The following PRKG1 variants were observed in gnomAD, a reference collection of about 807,000 sequenced individuals.
The protein encoded by PRKG1 is cGMP-dependent protein kinase 1.
In PRKG1, 35 loss-of-function variants were observed where a neutral mutation model predicts 88.1. That is an observed-to-expected ratio of 0.40 (90% CI 0.30 to 0.53). PRKG1 has a LOEUF of 0.53. Among genes scored for constraint, PRKG1 ranks in the 20% least tolerant of loss-of-function variants. The probability of loss-of-function intolerance (pLI) is 0.59; values close to 1 mark genes in which losing one functional copy is unlikely to be tolerated. For missense variants in PRKG1, 540 were observed against 839.8 expected, an observed-to-expected ratio of 0.64 and a Z score of 4.41; for synonymous variants, 303 against 292.5, an observed-to-expected ratio of 1.04 and a Z score of -0.37.
Position 51,338,312 on chromosome 10 carries a change from A to G in PRKG1, c.479-129411A>G, listed in dbSNP as rs143962875. On this transcript the variant is annotated intron_variant, in intron 2 of 17. Coordinates refer to ENST00000373980, the MANE Select transcript of PRKG1 (RefSeq NM_006258.4). ...ATGAAAATGAAATATGTTTGCCTTA[A>G]TACCTAGGTGATGGGTTGATAGGTG... is the stretch of plus-strand genomic sequence containing the variant. 1.3e-4 allele frequency among the ~76,000 whole-genome samples: 20 copies of G among 152,292 alleles called. No individual in the cohort carries two copies. The East Asian group carries it at 3.8e-3, about 29-fold the overall frequency.
At chr10:51,656,360 G>A (rs144469805) in intron 3 of PRKG1, among the ~76,000 whole-genome samples, 1 of 152,184 alleles carries the variant, frequency 6.6e-6, no homozygotes, top group East Asian at 1.9e-4. Flanking sequence ...GATCACACTT[G>A]GTCGTGCTCT....
At chr10:51,803,551 A>T (rs193034199) in intron 3 of PRKG1, among the ~76,000 whole-genome samples, 2 of 151,786 alleles carry the variant, frequency 1.3e-5, no homozygotes, top group Non-Finnish European at 2.9e-5. Context: ...CTCCTCCTTC[A>T]CTCCCAAATC....
At chr10:51,850,368 G>A (rs1589353115) in intron 4 of PRKG1, among the ~76,000 whole-genome samples, 1 of 152,080 alleles carries the variant, frequency 6.6e-6, no homozygotes, top group East Asian at 1.9e-4. Context: ...GTAGAGATGG[G>A]GTTTCACCAT....
At chr10:51,615,981 C>T (rs1036282968) in intron 3 of PRKG1, among the ~76,000 whole-genome samples, 5 of 152,100 alleles carry the variant, frequency 3.3e-5, no homozygotes, top group African/African-American at 1.2e-4. Flanking sequence ...TAGGGCAGGA[C>T]TTTTTCCTGA....
chr10:51,316,473 G>A (rs1014928362), intron 2 of PRKG1, among the ~76,000 whole-genome samples: 1 of 152,084 alleles, frequency 6.6e-6, no homozygotes, highest in Non-Finnish European at 1.5e-5. Flanking sequence ...CACTAGGTCA[G>A]GAGTTCAAGA....
At chr10:51,547,643 C>T (rs1310223589) in intron 3 of PRKG1, among the ~76,000 whole-genome samples, 1 of 151,988 alleles carries the variant, frequency 6.6e-6, no homozygotes, top group Non-Finnish European at 1.5e-5. Context: ...TTATACTTGA[C>T]GAGTAATGGT....
At chr10:51,679,272 C>T (rs1250678808) in intron 3 of PRKG1, among the ~76,000 whole-genome samples, 1 of 152,030 alleles carries the variant, frequency 6.6e-6, no homozygotes, top group South Asian at 2.1e-4. Flanking sequence ...TAAGAAGTAA[C>T]CTATTGCTTT....
At chr10:51,624,526 G>A (rs1839286531) in intron 3 of PRKG1, among the ~76,000 whole-genome samples, 1 of 152,220 alleles carries the variant, frequency 6.6e-6, no homozygotes, top group African/African-American at 2.4e-5. Context: ...AGATCTTTCT[G>A]TCTGGCATAA....
At chr10:51,141,480 C>T (rs1270893527) in intron 1 of PRKG1, among the ~76,000 whole-genome samples, 7 of 152,126 alleles carry the variant, frequency 4.6e-5, no homozygotes, top group Non-Finnish European at 8.8e-5. Context: ...CTTTAAATCA[C>T]TTTGTGGATA....
At chr10:52,044,730 G>A (rs1845825210) in intron 5 of PRKG1, among the ~76,000 whole-genome samples, 1 of 151,920 alleles carries the variant, frequency 6.6e-6, no homozygotes, top group African/African-American at 2.4e-5. Context: ...TTTTTAAAAT[G>A]CTGTTTGCAG....
intron 8 of PRKG1, among the ~76,000 whole-genome samples, chr10:52,134,828 T>G (rs1837361530): frequency 6.6e-6 from 1 of 152,096 alleles, no homozygotes; most frequent in Admixed American, 6.6e-5. Flanking sequence ...CAAACCTCAC[T>G]TTGAGAGGCC....
chr10:52,198,047 T>C (rs890053057), intron 9 of PRKG1, among the ~76,000 whole-genome samples: 2 of 152,210 alleles, frequency 1.3e-5, no homozygotes, highest in East Asian at 3.8e-4. Flanking sequence ...TCTTTGAGTA[T>C]GATTCTATTC....
At chr10:51,479,056 C>T (rs1840282021) in intron 3 of PRKG1, among the ~76,000 whole-genome samples, 1 of 151,784 alleles carries the variant, frequency 6.6e-6, no homozygotes, top group African/African-American at 2.4e-5. Context: ...AGAGAAAATA[C>T]TAAATGAAAG....
chr10:52,152,491 A>C (rs1447404334), intron 8 of PRKG1, among the ~76,000 whole-genome samples: 1 of 152,124 alleles, frequency 6.6e-6, no homozygotes, highest in African/African-American at 2.4e-5. Context: ...TCAGTCCTGT[A>C]TAAAGAGGAA....
chr10:52,224,834 T>TATATAC (rs1840349397), intron 9 of PRKG1, among the ~76,000 whole-genome samples: 1 of 135,604 alleles, frequency 7.4e-6, no homozygotes, highest in Non-Finnish European at 1.6e-5. Context: ...TATATATATA[T>TATATAC]ATATACATAC....
chr10:51,732,856 C>A (rs1837152728), intron 3 of PRKG1, among the ~76,000 whole-genome samples: 1 of 152,070 alleles, frequency 6.6e-6, no homozygotes, highest in African/African-American at 2.4e-5. Flanking sequence ...TTTTGGGCTG[C>A]TGAAATAAAT....
At chr10:52,271,086 T>C (rs1467673762) in intron 10 of PRKG1, among the ~76,000 whole-genome samples, 1 of 152,042 alleles carries the variant, frequency 6.6e-6, no homozygotes, top group Admixed American at 6.6e-5. Context: ...TAGAACTAAG[T>C]ACATTTTCCC....
At chr10:51,143,139 CT>C (rs903512133) in intron 1 of PRKG1, among the ~76,000 whole-genome samples, 49 of 152,166 alleles carry the variant, frequency 3.2e-4, no homozygotes, top group African/African-American at 1.1e-3. Context: ...CTTTTCCCCC[CT>C]AACTATCCCA....
chr10:51,936,177 G>A (rs1842796338), intron 5 of PRKG1, among the ~76,000 whole-genome samples: 2 of 151,884 alleles, frequency 1.3e-5, no homozygotes, highest in South Asian at 4.2e-4. Context: ...TCAATCTAGT[G>A]TGGGCTGGGG....
Sources: gnomAD v4.1 joint callset for allele counts (sites outside exome capture counted in the v4.1 genomes callset) on GRCh38, gnomAD v4.1.1 for gene constraint, MANE v1.5 for transcripts, NCBI Gene and HGNC (gene_info 2026-07-23, HGNC 2026-07-21) for gene names.